Variants in NXPE2 observed in about 807,000 individuals in gnomAD.
The protein encoded by NXPE2 is NXPE family member 2.
In NXPE2, 34 loss-of-function variants were observed where a neutral mutation model predicts 34.4. That is an observed-to-expected ratio of 0.99 (90% CI 0.75 to 1.31). The LOEUF (loss-of-function observed/expected upper bound fraction) is 1.31. Among genes scored for constraint, NXPE2 ranks in the 40% most tolerant of loss-of-function variants. The probability of loss-of-function intolerance (pLI) is 0.00; values close to 1 mark genes in which losing one functional copy is unlikely to be tolerated. For synonymous variants in NXPE2, 235 were observed against 231.3 expected (o/e 1.02, Z -0.15); for missense variants, 649 against 672.5 (o/e 0.97, Z 0.39).
chr11:114,612,138 C>T, the NXPE2 span, among the ~76,000 whole-genome samples: 2 of 151,928 alleles, frequency 1.3e-5, no homozygotes, highest in Non-Finnish European at 2.9e-5. Flanking sequence ...ATTGTTGCCT[C>T]GTGGGTAACC....
chr11:114,680,590 A>T (rs1397425171), intron 2 of NXPE2, among the ~76,000 whole-genome samples: 1 of 152,068 alleles, frequency 6.6e-6, no homozygotes, highest in Non-Finnish European at 1.5e-5. Flanking sequence ...TCATTTGCCC[A>T]GGTCCTACCC....
At chr11:114,484,491 A>G in the NXPE2 span, among the ~76,000 whole-genome samples, 1 of 152,100 alleles carries the variant, frequency 6.6e-6, no homozygotes, top group Non-Finnish European at 1.5e-5. Flanking sequence ...CGGGAATGCC[A>G]TATCTTTTTT....
chr11:114,661,933 T>G, the NXPE2 span, among the ~76,000 whole-genome samples: 2 of 152,248 alleles, frequency 1.3e-5, no homozygotes, highest in South Asian at 4.1e-4. Context: ...AAATTTTGTC[T>G]TTTCAAGAAA....
At chr11:114,784,026 A>C in the NXPE2 span, among the ~76,000 whole-genome samples, 1 of 152,186 alleles carries the variant, frequency 6.6e-6, no homozygotes, top group East Asian at 1.9e-4. Context: ...GCATGTTCTA[A>C]TTGCTTTGTA....
At chr11:114,543,459 C>G in the NXPE2 span, among the ~76,000 whole-genome samples, 1 of 151,490 alleles carries the variant, frequency 6.6e-6, no homozygotes. Flanking sequence ...ATGACTTGAG[C>G]CTGGGGAGCC....
At chr11:114,616,719 A>AC in the NXPE2 span, among the ~76,000 whole-genome samples, 1 of 151,692 alleles carries the variant, frequency 6.6e-6, no homozygotes, top group Non-Finnish European at 1.5e-5. Context: ...CCCAGTGTAT[A>AC]ATAAGTGTTG....
the NXPE2 span, among the ~76,000 whole-genome samples, chr11:114,640,051 A>T: frequency 8.4e-6 from 1 of 118,680 alleles, no homozygotes; most frequent in Non-Finnish European, 1.6e-5. Context: ...ATTTTATAAT[A>T]TATAATTTAT....
At chr11:114,632,202 A>G in the NXPE2 span, among the ~76,000 whole-genome samples, 2 of 141,460 alleles carry the variant, frequency 1.4e-5, no homozygotes, top group Non-Finnish European at 1.5e-5. Context: ...TCATATATAC[A>G]TATTATATAT....
At chr11:114,520,414 G>C in the NXPE2 span, among the ~76,000 whole-genome samples, 14 of 152,128 alleles carry the variant, frequency 9.2e-5, no homozygotes, top group Non-Finnish European at 1.5e-4. Flanking sequence ...ACGTCCTCCA[G>C]GTTCACCCAT....
the NXPE2 span, among the ~76,000 whole-genome samples, chr11:114,613,630 T>A: frequency 6.6e-6 from 1 of 151,944 alleles, no homozygotes; most frequent in Non-Finnish European, 1.5e-5. Context: ...TGTTACACAC[T>A]GGATAACAAG....
At position 114,698,075 on chromosome 11, in the gene NXPE2, C is replaced by G. The variant is rs1951292067; in HGVS notation, c.163C>G (p.Leu55Val). The G allele has an allele frequency of 1.3e-6, 2 of 1,578,880 alleles. No individual in the cohort carries two copies. Among genetic ancestry groups the G allele is most frequent in the Admixed American group, 1.8e-5 (1 of 54,686 alleles). ...GTTCAACTTGGAAAACCATATTATC[C>G]TGAACCAAGGGAACATCTTCAAAAA... The part of the protein sequence containing the change: ...FSFNLENHII[L>V]NQGNIFKKYS... The change falls in exon 3 of 6, where the codon CTG (leucine) becomes GTG (valine). Residue 55 changes from leucine to valine, a missense_variant. Leu to Val is a conservative substitution (Grantham distance 32). Coordinates refer to ENST00000389586, the MANE Select transcript of NXPE2 (RefSeq NM_182495.6).
chr11:114,794,633 C>T, the NXPE2 span, among the ~76,000 whole-genome samples: 1 of 152,280 alleles, frequency 6.6e-6, no homozygotes, highest in Non-Finnish European at 1.5e-5. Context: ...ACAGTAAAGG[C>T]TGTGCTGTAG....
At chr11:114,466,371 A>G in the NXPE2 span, among the ~76,000 whole-genome samples, 7 of 152,286 alleles carry the variant, frequency 4.6e-5, no homozygotes, top group East Asian at 1.2e-3. Context: ...AGAATAGACT[A>G]TGATTTTGTG....
chr11:114,715,940 G>A, the NXPE2 span, among the ~76,000 whole-genome samples: 3 of 152,024 alleles, frequency 2.0e-5, no homozygotes, highest in Non-Finnish European at 1.5e-5. Context: ...GCTTCTAACC[G>A]ATCAAACCAG....
At chr11:114,593,153 A>G in the NXPE2 span, among the ~76,000 whole-genome samples, 1 of 152,280 alleles carries the variant, frequency 6.6e-6, no homozygotes, top group South Asian at 2.1e-4. Flanking sequence ...ATGCACAGAG[A>G]AGAAAAGCAA....
the NXPE2 span, among the ~76,000 whole-genome samples, chr11:114,552,677 G>A: frequency 4.6e-5 from 7 of 151,704 alleles, no homozygotes; most frequent in African/African-American, 1.7e-4. Flanking sequence ...TGTAAAGTAT[G>A]AGTTATAATG....
the NXPE2 span, among the ~76,000 whole-genome samples, chr11:114,484,621 A>G: frequency 6.6e-6 from 1 of 152,192 alleles, no homozygotes; most frequent in East Asian, 1.9e-4. Context: ...TCCTTAAAAA[A>G]CAAACCAAGT....
chr11:114,698,529 C>T lies in NXPE2; in HGVS notation c.617C>T (p.Ala206Val), dbSNP rs930074042. 6.2e-7 allele frequency: 1 copy of T among 1,614,080 alleles called. No homozygotes were observed. The highest frequency in any genetic ancestry group is 8.5e-7 in the Non-Finnish European group (1 of 1,179,966). The change falls in exon 3 of 6, where the codon GCA (alanine) becomes GTA (valine). Residue 206 changes from alanine to valine, a missense_variant. Physicochemically the swap from Ala to Val is moderately conservative, Grantham distance 64. Coordinates refer to ENST00000389586, the MANE Select transcript of NXPE2 (RefSeq NM_182495.6). ...GAAGGGGTATCAGCTCTCTGGAGGG[C>T]AAGGAACCAAGGATGTGATAGGATC... is the stretch of plus-strand genomic sequence containing the variant. ...PSEGVSALWR[A>V]RNQGCDRIIF...
the NXPE2 span, among the ~76,000 whole-genome samples, chr11:114,602,573 AT>A: frequency 7.1e-6 from 1 of 140,048 alleles, no homozygotes; most frequent in Non-Finnish European, 1.5e-5. Context: ...ATTTATAATA[AT>A]TATCTCATAT....
Sources: gnomAD v4.1 joint callset for allele counts (sites outside exome capture counted in the v4.1 genomes callset) on GRCh38, gnomAD v4.1.1 for gene constraint, MANE v1.5 for transcripts, NCBI Gene and HGNC (gene_info 2026-07-23, HGNC 2026-07-21) for gene names.